The following C5 variants were observed in gnomAD, a reference collection of about 807,000 sequenced individuals.
C5 encodes C3 and PZP-like alpha-2-macroglobulin domain-containing protein 4.
Under a neutral mutation model 218.8 loss-of-function variants are expected in C5, and 140 were observed. That is an observed-to-expected ratio of 0.64 (90% CI 0.56 to 0.74). C5 has a LOEUF of 0.74. Among genes scored for constraint, C5 ranks in the 30% least tolerant of loss-of-function variants. The pLI is 0.00. For synonymous variants in C5, 614 were observed against 682.3 expected (o/e 0.90, Z 1.56); for missense variants, 1,700 against 1,969.6 (o/e 0.86, Z 2.59).
At chr9:120,970,055 G>T in intron 32 of C5, 115 bp downstream of exon 32, 1 of 729,452 alleles carries the variant, frequency 1.4e-6, no homozygotes, top group Non-Finnish European at 2.4e-6. Flanking sequence ...TAAAGTATTT[G>T]GTTAAGAAAT....
chr9:120,975,494 G>A (rs1276189643), intron 29 of C5, among the ~76,000 whole-genome samples: 2 of 152,150 alleles, frequency 1.3e-5, no homozygotes, highest in Non-Finnish European at 2.9e-5. Flanking sequence ...TGGAAAGCTT[G>A]GTCCCCAATG....
intron 22 of C5, among the ~76,000 whole-genome samples, chr9:120,995,086 C>A (rs561720387): frequency 1.1e-4 from 16 of 152,192 alleles, no homozygotes; most frequent in African/African-American, 3.4e-4. Flanking sequence ...ATTGGAGAAA[C>A]AAGTAAGCAT....
the C5 span, among the ~76,000 whole-genome samples, chr9:121,066,876 A>AC: frequency 1.3e-5 from 2 of 150,280 alleles, no homozygotes; most frequent in Non-Finnish European, 3.0e-5. Context: ...AAAAAAAAAA[A>AC]CAAAAACACA....
chr9:121,042,087 T>C (rs1430535052), intron 3 of C5, among the ~76,000 whole-genome samples: 1 of 152,166 alleles, frequency 6.6e-6, no homozygotes. Flanking sequence ...TCTGTCCTCC[T>C]CCAAGAATAT....
Position 121,016,452 on chromosome 9 carries a change from A to G in C5, c.1867-69T>C, listed in dbSNP as rs1587980325. ...TCATTCCTCTAAAGATCTAAAAGGT[A>G]CTAATTGTTACATGGTTATCACAAA... On this transcript the variant is annotated intron_variant, in intron 14 of 40. Transcript: ENST00000223642. 5.1e-6 allele frequency: 8 copies of G among 1,576,286 alleles called. No homozygotes were observed. In the East Asian group the frequency reaches 1.3e-4, roughly 26 times the overall value.
intron 29 of C5, among the ~76,000 whole-genome samples, chr9:120,976,413 A>G (rs1454335247): frequency 2.0e-5 from 3 of 152,204 alleles, no homozygotes; most frequent in Admixed American, 6.5e-5. Context: ...CTAGCCTTTC[A>G]TGGTGATTTA....
At chr9:120,994,100 G>T (rs1343916110) in intron 22 of C5, among the ~76,000 whole-genome samples, 1 of 152,122 alleles carries the variant, frequency 6.6e-6, no homozygotes. Context: ...GAGTCTCTGT[G>T]TTTAGTCTTT....
At chr9:121,014,091 G>C in intron 16 of C5, 21 bp from the exon 17 acceptor site, 1 of 1,603,356 alleles carries the variant, frequency 6.2e-7, no homozygotes, top group African/African-American at 1.3e-5. Flanking sequence ...AATAATGCAA[G>C]TGCTCTTGAT....
intron 32 of C5, among the ~76,000 whole-genome samples, chr9:120,969,901 A>G (rs2046897845): frequency 1.3e-5 from 2 of 152,232 alleles, no homozygotes; most frequent in Non-Finnish European, 2.9e-5. Context: ...TACACTCTTT[A>G]AAAATAACAT....
At chr9:120,996,213 TATAAA>T in intron 22 of C5, 22 bp downstream of exon 22, 1 of 1,500,142 alleles carries the variant, frequency 6.7e-7, no homozygotes, top group East Asian at 2.3e-5. Context: ...AAAGATAACA[TATAAA>T]ATAAAAAATC....
intron 28 of C5, chr9:120,979,443 C>T (rs1055319559): frequency 6.6e-6 from 1 of 152,406 alleles, no homozygotes; most frequent in Non-Finnish European, 1.5e-5. Flanking sequence ...ATGTTTGTGT[C>T]TCCCCAGTTA....
the C5 span, among the ~76,000 whole-genome samples, chr9:121,070,409 AT>A: frequency 1.6e-4 from 22 of 137,042 alleles, 2 homozygotes; most frequent in South Asian, 4.4e-3. Flanking sequence ...ATATATATAT[AT>A]ATATATATAT....
intron 34 of C5, 67 bp downstream of exon 34, chr9:120,963,569 T>C (rs2046843520): frequency 1.7e-6 from 2 of 1,145,682 alleles, no homozygotes; most frequent in Admixed American, 1.8e-5. Context: ...GAAAGTAAAA[T>C]TGTCTATAAA....
chr9:121,014,941 T>C (rs1267311874), intron 16 of C5, among the ~76,000 whole-genome samples: 1 of 152,164 alleles, frequency 6.6e-6, no homozygotes, highest in Non-Finnish European at 1.5e-5. Flanking sequence ...AAAATATTTA[T>C]GACAAATAAA....
At chr9:121,053,822 T>A (rs993788355), upstream of C5, among the ~76,000 whole-genome samples, 3 of 152,060 alleles carry the variant, frequency 2.0e-5, no homozygotes, top group African/African-American at 7.2e-5. Context: ...TGCAGGCGCC[T>A]AGAATTCTGA....
chr9:120,970,105 GCTCT>G (rs925576431), intron 32 of C5, 61 bp downstream of exon 32: 13 of 1,085,510 alleles, frequency 1.2e-5, no homozygotes, highest in Middle Eastern at 2.1e-4. Flanking sequence ...AATCAGAGAA[GCTCT>G]CTATTTATAC....
At chr9:120,976,599 C>T (rs2131690630) in intron 29 of C5, 101 bp downstream of exon 29, 2 of 916,290 alleles carry the variant, frequency 2.2e-6, no homozygotes, top group South Asian at 2.6e-5. Context: ...ATATCTATTG[C>T]ATGCTCATTT....
At chr9:120,993,486 G>A (rs2047093175) in intron 22 of C5, among the ~76,000 whole-genome samples, 2 of 152,192 alleles carry the variant, frequency 1.3e-5, no homozygotes, top group African/African-American at 4.8e-5. Flanking sequence ...GCAGTGGCGT[G>A]ATCTTGGCTC....
chr9:120,999,805 G>GT, intron 20 of C5: 1 of 406,910 alleles, frequency 2.5e-6, no homozygotes, highest in Admixed American at 2.7e-5. Flanking sequence ...TATCACAGAT[G>GT]TACTTGTTTC....
Sources: gnomAD v4.1 joint callset for allele counts (sites outside exome capture counted in the v4.1 genomes callset) on GRCh38, gnomAD v4.1.1 for gene constraint, MANE v1.5 for transcripts, NCBI Gene and HGNC (gene_info 2026-07-23, HGNC 2026-07-21) for gene names.